PPFIA4: variants seen among roughly 807,000 people sequenced by gnomAD.
PPFIA4 encodes the protein liprin-alpha-4.
A neutral mutation model predicts 145.7 loss-of-function variants in PPFIA4; 98 were observed. The observed-to-expected ratio is 0.67, with a 90% CI of 0.57 to 0.80. The LOEUF (loss-of-function observed/expected upper bound fraction) is 0.80, where lower values mean the gene tolerates loss of function less well. Ranked by LOEUF, PPFIA4 falls within the 30% of genes least tolerant of loss-of-function variation. The pLI is 0.00. For missense variants in PPFIA4, 1,457 were observed against 1,632.7 expected (o/e 0.89, Z 1.85); for synonymous variants, 628 against 649.6 (o/e 0.97, Z 0.51).
chr1:203,075,640 C>A lies in PPFIA4; in HGVS notation c.3457C>A (p.His1153Asn). The change falls in exon 29 of 30, where the codon CAC becomes AAC. Residue 1153 changes from histidine to asparagine, a missense_variant. By Grantham distance (68) the His-to-Asn change is moderately conservative. This residue lies in a region of PPFIA4 where 146 missense variants were observed against 126.2 expected (regional missense o/e 1.16). Coordinates refer to ENST00000295706, the MANE Select transcript of PPFIA4 (RefSeq NM_001304331.2). The surrounding 1 kb of genome is among the most constrained non-coding windows in gnomAD (Gnocchi z 4.1). ...GAAGCGCTTCCGGCCGCGGGAGCAC[C>A]ACGGTCGCGGCGGCATGCTCAGCGC... ...WRKRFRPREH[H>N]GRGGMLSASA... 1 of 1,500,652 alleles carries A rather than the reference C, an allele frequency of 6.7e-7. No individual in the cohort carries two copies. The highest frequency in any genetic ancestry group is 8.9e-7 in the Non-Finnish European group (1 of 1,123,474). 93.0% of individuals were successfully genotyped at this position (1,500,652 alleles called of 1,614,324 possible). A position where few individuals can be genotyped will look rare whatever the true frequency, so the allele number is the denominator to read the frequency against.
chr1:203,075,877 C>T lies in PPFIA4; in HGVS notation c.3574+120C>T, dbSNP rs988623302. 4 of 1,034,828 alleles carry T rather than the reference C, an allele frequency of 3.9e-6. No homozygotes were observed. The highest frequency in any genetic ancestry group is 3.9e-5 in the Admixed American group (1 of 25,406). 64.1% of individuals were successfully genotyped at this position (1,034,828 alleles called of 1,614,324 possible). ...CCGAGGCTGGTGCCCCGCGCTCCTG[C>T]GCTGCAGCTGCACTAACGCTCCGCG... On this transcript the variant is annotated intron_variant, in intron 29 of 29. Transcript: ENST00000295706. The surrounding 1 kb of genome is among the most constrained non-coding windows in gnomAD (Gnocchi z 4.1).
Position 203,068,090 on chromosome 1 carries a change from A to T in PPFIA4, c.3148+298A>T, listed in dbSNP as rs930357648. ...GTGCCTGTGGAACTTGTTGATCTGGATGGGGCTGGATGGGAGATGCAAGTC... is the reference window on the plus strand; with the variant it reads ...GTGCCTGTGGAACTTGTTGATCTGGTTGGGGCTGGATGGGAGATGCAAGTC... On this transcript the variant is annotated intron_variant, in intron 26 of 29. Transcript: ENST00000295706. The surrounding 1 kb of genome is among the most constrained non-coding windows in gnomAD (Gnocchi z 4.7). 2.0e-5 allele frequency among the ~76,000 whole-genome samples: 3 copies of T among 152,100 alleles called. No individual in the cohort carries two copies. The highest frequency in any genetic ancestry group is 2.9e-5 in the Non-Finnish European group (2 of 68,010).
intron 24 of PPFIA4, chr1:203,062,895 GT>G (rs2102677674): frequency 6.6e-6 from 1 of 152,394 alleles, no homozygotes; most frequent in African/African-American, 2.4e-5. Context: ...AGTAGGAGAT[GT>G]GTGCTGACAG....
chr1:203,042,160 C>T (rs1471172533), intron 2 of PPFIA4, among the ~76,000 whole-genome samples: 1 of 152,110 alleles, frequency 6.6e-6, no homozygotes, highest in East Asian at 1.9e-4. Context: ...GCTCTTAGAC[C>T]TTGGACATCC....
intron 19 of PPFIA4, among the ~76,000 whole-genome samples, chr1:203,058,226 C>T (rs11806388): frequency 6.6e-6 from 1 of 151,624 alleles, no homozygotes; most frequent in Non-Finnish European, 1.5e-5. Context: ...GGAGAGCACG[C>T]GAGGAGGAGG....
At chr1:203,026,997 G>A (rs985489353) in intron 1 of PPFIA4, among the ~76,000 whole-genome samples, 2 of 152,202 alleles carry the variant, frequency 1.3e-5, no homozygotes, top group African/African-American at 4.8e-5. Flanking sequence ...TCTCGGCTCC[G>A]GGGCCAACCC....
rs34854303 is a variant in PPFIA4, at chr1:203,046,661, CT to C, written c.1140+294del. ...GTTGATGCAAAGTGTTTTTCTTTTT[CT>C]TTTTTTTTTTTTTTAATCCTCTACA... On this transcript the variant is annotated intron_variant, in intron 9 of 29. Coordinates refer to ENST00000295706, the MANE Select transcript of PPFIA4 (RefSeq NM_001304331.2). Among the ~76,000 whole-genome samples, 182 of 144,470 alleles carry C rather than the reference CT, an allele frequency of 1.3e-3. 1 individual carries two copies. In the South Asian group the frequency reaches 0.013, roughly 11 times the overall value. The allele number at this position is 144,470 out of a possible 152,430, so 94.8% of individuals were successfully genotyped here.
chr1:203,040,119 T>C (rs1303389597), intron 2 of PPFIA4, among the ~76,000 whole-genome samples: 1 of 152,254 alleles, frequency 6.6e-6, no homozygotes, highest in Non-Finnish European at 1.5e-5. Flanking sequence ...TTGGGCTGTT[T>C]AGCTGCTGCT....
Position 203,060,140 on chromosome 1 carries a change from C to G in PPFIA4, c.2584-77C>G. On this transcript the variant is annotated intron_variant, in intron 21 of 29. Transcript: ENST00000295706. The surrounding 1 kb of genome is among the most constrained non-coding windows in gnomAD (Gnocchi z 4.8). Reference sequence around the variant, plus strand: ...TCGAGTCCGTGGATGAGGCCTGGCCCTTGCCCCTTGCTGTTGCCAAACTCT... The same window carrying G: ...TCGAGTCCGTGGATGAGGCCTGGCCGTTGCCCCTTGCTGTTGCCAAACTCT... 1 of 1,449,104 alleles carries G rather than the reference C, an allele frequency of 6.9e-7. No individual in the cohort carries two copies. Among genetic ancestry groups the G allele is most frequent in the Non-Finnish European group, 9.5e-7 (1 of 1,052,152 alleles). 89.8% of individuals were successfully genotyped at this position (1,449,104 alleles called of 1,614,324 possible).
chr1:203,061,581 G>A, intron 23 of PPFIA4, 71 bp from the exon 24 acceptor site: 1 of 1,469,650 alleles, frequency 6.8e-7, no homozygotes, highest in Non-Finnish European at 9.2e-7. Context: ...CCTTGATGGG[G>A]CCTAGGGTAG....
chr1:203,048,217 C>G lies in PPFIA4; in HGVS notation c.1141-10C>G, dbSNP rs765870915. On this transcript the variant is annotated splice_polypyrimidine_tract_variant and intron_variant, in intron 9 of 29. Coordinates refer to ENST00000295706, the MANE Select transcript of PPFIA4 (RefSeq NM_001304331.2). This position sits in a 1 kb window ranked among gnomAD's most constrained non-coding sequence, Gnocchi z 5.8. ...ATCTGCGGGCTGCACCGACCCATCC[C>G]TGCCCCTAGGCTGAAGAACGGCATG... 3 of 1,612,534 alleles carry G rather than the reference C, an allele frequency of 1.9e-6. No homozygotes were observed. In the South Asian group the frequency reaches 3.3e-5, roughly 18 times the overall value.
At position 203,039,256 on chromosome 1, in the gene PPFIA4, G is replaced by T. The variant is rs1659528918; in HGVS notation, c.234+14G>T. The T allele has an allele frequency of 1.3e-6, 2 of 1,548,496 alleles. No homozygotes were observed. The highest frequency in any genetic ancestry group is 1.7e-6 in the Non-Finnish European group (2 of 1,148,398). On this transcript the variant is annotated intron_variant, in intron 2 of 29. Transcript: ENST00000295706. ...GCCCTCCCCCAGGTAAGGCCCGAAG[G>T]CCTGCGTCTCTCTTAACCCCTTTCC...
chr1:203,032,430 T>TTTTTTTTTTTTTTTTTGTTG (rs57892403), intron 1 of PPFIA4, among the ~76,000 whole-genome samples: 10 of 139,380 alleles, frequency 7.2e-5, no homozygotes, highest in South Asian at 4.6e-4. Context: ...TCCCCGCTTT[T>TTTTTTTTTTTTTTTTTGTTG]TTGTTGTTGT....
intron 1 of PPFIA4, among the ~76,000 whole-genome samples, chr1:203,036,431 G>C (rs1659275026): frequency 6.6e-6 from 1 of 152,086 alleles, no homozygotes; most frequent in African/African-American, 2.4e-5. Context: ...CCATTCCTGG[G>C]ATACCTAAGC....
In PPFIA4 at chr1:203,076,668, G is replaced by A. The variant is rs568440918; in HGVS notation, c.*278G>A. 2.0e-4 allele frequency: 104 copies of A among 517,258 alleles called. No homozygotes were observed. Among genetic ancestry groups the A allele is most frequent in the African/African-American group, 1.9e-3 (97 of 52,036 alleles). 32.0% of individuals were successfully genotyped at this position (517,258 alleles called of 1,614,324 possible). ...TTGGGATTCTGGGGGAAGGAGAGAAGGGCAGCTCAGGGTGGATGTGAAGCC... is the reference window on the plus strand; with the variant it reads ...TTGGGATTCTGGGGGAAGGAGAGAAAGGCAGCTCAGGGTGGATGTGAAGCC... On this transcript the variant is annotated 3_prime_UTR_variant, in exon 30 of 30. Transcript: ENST00000295706.
chr1:203,048,192 A>G lies in PPFIA4; in HGVS notation c.1141-35A>G, dbSNP rs774751404. 6.2e-7 allele frequency: 1 copy of G among 1,603,118 alleles called. No individual in the cohort carries two copies. The highest frequency in any genetic ancestry group is 8.5e-7 in the Non-Finnish European group (1 of 1,172,448). The stretch of plus-strand genomic sequence containing the variant: ...CGGGGCCTGAGCAGGAAGAACAGAG[A>G]TCTGCGGGCTGCACCGACCCATCCC... On this transcript the variant is annotated intron_variant, in intron 9 of 29. Transcript: ENST00000295706. This position sits in a 1 kb window ranked among gnomAD's most constrained non-coding sequence, Gnocchi z 5.8.
At chr1:203,034,442 C>T (rs1464156998) in intron 1 of PPFIA4, 1 of 455,672 alleles carries the variant, frequency 2.2e-6, no homozygotes, top group African/African-American at 2.0e-5. Context: ...TCTGGGCAGC[C>T]TGAGGCATGG....
chr1:203,027,840 A>G (rs1027122590), intron 1 of PPFIA4, among the ~76,000 whole-genome samples: 27 of 152,178 alleles, frequency 1.8e-4, no homozygotes, highest in African/African-American at 6.5e-4. Flanking sequence ...CCATTCTGTT[A>G]CATTGCTGTT....
chr1:203,059,750 G>C lies in PPFIA4; in HGVS notation c.2502-20G>C, dbSNP rs1285161670. Reference sequence around the variant, plus strand: ...GGGAGAAGGAAGAACTAGTGAGTCTGTTGTTCCTCTTCCTATAAGACACCA... The same window carrying C: ...GGGAGAAGGAAGAACTAGTGAGTCTCTTGTTCCTCTTCCTATAAGACACCA... On this transcript the variant is annotated intron_variant, in intron 20 of 29. Coordinates refer to ENST00000295706, the MANE Select transcript of PPFIA4 (RefSeq NM_001304331.2). 6.2e-7 allele frequency: 1 copy of C among 1,604,778 alleles called. No homozygotes were observed. Among genetic ancestry groups the C allele is most frequent in the Non-Finnish European group, 8.5e-7 (1 of 1,172,740 alleles).
Sources: allele counts gnomAD v4.1 joint callset (sites outside exome capture counted in the v4.1 genomes callset), GRCh38; gene constraint gnomAD v4.1.1; regional missense constraint gnomAD v4.1.1; non-coding constraint Gnocchi (gnomAD v3.1); transcripts MANE v1.5; gene names NCBI Gene and HGNC (gene_info 2026-07-23, HGNC 2026-07-21).